LYPD6B: variants seen among roughly 807,000 people sequenced by gnomAD.
LYPD6B encodes LY6/PLAUR domain containing 6B, also known as ly6/PLAUR domain-containing protein 6B.
A neutral mutation model predicts 22.8 loss-of-function variants in LYPD6B; 17 were observed. The ratio of observed to expected loss-of-function variants is 0.75; its 90% CI spans 0.51 to 1.12. LYPD6B has a LOEUF of 1.12. Among genes scored for constraint, LYPD6B ranks in the 50% most tolerant of loss-of-function variants. The pLI, the probability that LYPD6B is intolerant of heterozygous loss-of-function variation, is 0.00. For synonymous variants in LYPD6B, 106 were observed against 91.6 expected (o/e 1.16, Z -0.90); for missense variants, 221 against 258.3 (o/e 0.86, Z 0.99).
intron 1 of LYPD6B, among the ~76,000 whole-genome samples, chr2:149,099,332 C>T (rs1255521536): frequency 6.6e-6 from 1 of 152,118 alleles, no homozygotes; most frequent in Non-Finnish European, 1.5e-5. Flanking sequence ...AGAGAGTCAC[C>T]TCCACTGGGG....
chr2:149,065,880 T>G (rs1380094657), intron 1 of LYPD6B, among the ~76,000 whole-genome samples: 1 of 152,206 alleles, frequency 6.6e-6, no homozygotes, highest in South Asian at 2.1e-4. Flanking sequence ...GGCCCTTTTT[T>G]TTTGTATTTT....
chr2:149,134,480 A>T (rs143161845), intron 2 of LYPD6B, among the ~76,000 whole-genome samples: 224 of 152,326 alleles, frequency 1.5e-3, no homozygotes, highest in African/African-American at 5.2e-3. Context: ...GGCCTGGAAA[A>T]CTATTCCTTG....
At position 149,117,864 on chromosome 2, in the gene LYPD6B, A is replaced by C. The variant is rs112744543; in HGVS notation, c.-66-13019A>C. ...TTTCATGGTTTCTCTGAATTCAGGAATTCAGAAGTGGCTTGGCTGGGCAGT... is the reference window on the plus strand; with the variant it reads ...TTTCATGGTTTCTCTGAATTCAGGACTTCAGAAGTGGCTTGGCTGGGCAGT... On this transcript the variant is annotated intron_variant, in intron 1 of 6. Transcript: ENST00000409642. Among the ~76,000 whole-genome samples the C allele has an allele frequency of 1.9e-3, 295 of 152,360 alleles. 1 individual carries two copies. Among genetic ancestry groups the C allele is most frequent in the African/African-American group, 6.8e-3 (283 of 41,590 alleles).
intron 3 of LYPD6B, among the ~76,000 whole-genome samples, chr2:149,200,267 T>TTGC (rs1201147745): frequency 6.6e-6 from 1 of 152,248 alleles, no homozygotes; most frequent in African/African-American, 2.4e-5. Context: ...GGCCTTGTGC[T>TTGC]TGCTGACTCA....
intron 1 of LYPD6B, chr2:149,118,194 G>A (rs918791966): frequency 3.9e-5 from 6 of 152,258 alleles, no homozygotes; most frequent in Admixed American, 6.5e-5. Flanking sequence ...CTGGGGCTGG[G>A]GCGGCTACAT....
At chr2:149,157,939 G>A (rs1254900388) in intron 2 of LYPD6B, among the ~76,000 whole-genome samples, 1 of 152,162 alleles carries the variant, frequency 6.6e-6, no homozygotes, top group Non-Finnish European at 1.5e-5. Context: ...TGGGTCGGGG[G>A]TCAGGAATGA....
At chr2:149,053,663 A>G (rs1403133633) in intron 1 of LYPD6B, among the ~76,000 whole-genome samples, 1 of 152,216 alleles carries the variant, frequency 6.6e-6, no homozygotes, top group African/African-American at 2.4e-5. Context: ...TTGTGCAACC[A>G]TCATCACTAC....
intron 1 of LYPD6B, among the ~76,000 whole-genome samples, chr2:149,066,002 G>T (rs764074164): frequency 7.9e-5 from 12 of 151,954 alleles, no homozygotes; most frequent in Non-Finnish European, 1.6e-4. Context: ...CTGAGCTACC[G>T]CACTCGGCCC....
intron 1 of LYPD6B, among the ~76,000 whole-genome samples, chr2:149,118,483 G>A (rs189326016): frequency 6.6e-6 from 1 of 152,292 alleles, no homozygotes; most frequent in East Asian, 1.9e-4. Context: ...CCTTGATGCA[G>A]TTCCTTCTGG....
chr2:149,205,465 C>T, intron 4 of LYPD6B, 61 bp downstream of exon 4: 1 of 1,515,488 alleles, frequency 6.6e-7, no homozygotes, highest in Non-Finnish European at 9.0e-7. Flanking sequence ...TAATATGAAG[C>T]CCCCTTTTCC....
At chr2:149,044,030 G>A (rs1274743367) in intron 1 of LYPD6B, among the ~76,000 whole-genome samples, 1 of 151,920 alleles carries the variant, frequency 6.6e-6, no homozygotes, top group African/African-American at 2.4e-5. Flanking sequence ...TGATTATTGT[G>A]GCTTTAGAAT....
intron 3 of LYPD6B, among the ~76,000 whole-genome samples, chr2:149,185,327 C>G (rs754017238): frequency 6.6e-6 from 1 of 152,166 alleles, no homozygotes; most frequent in African/African-American, 2.4e-5. Context: ...CACCACCCAC[C>G]GGTAGGAAGC....
At chr2:149,086,641 A>T (rs564385112) in intron 1 of LYPD6B, among the ~76,000 whole-genome samples, 1 of 152,096 alleles carries the variant, frequency 6.6e-6, no homozygotes, top group Admixed American at 6.6e-5. Flanking sequence ...CCTTTTTTCT[A>T]TGGGGAGGTG....
chr2:149,069,074 T>C (rs1684473982), intron 1 of LYPD6B, among the ~76,000 whole-genome samples: 1 of 151,980 alleles, frequency 6.6e-6, no homozygotes, highest in South Asian at 2.1e-4. Context: ...AAGTTCTTTA[T>C]TATGTAGACT....
intron 1 of LYPD6B, chr2:149,118,139 A>C (rs58761494): frequency 0.1 from 15,931 of 152,132 alleles, 2,388 homozygotes; most frequent in African/African-American, 0.31. Flanking sequence ...TTTCCACCTC[A>C]TTCTATTGGC....
At chr2:149,197,088 C>A (rs765523759) in intron 3 of LYPD6B, among the ~76,000 whole-genome samples, 2 of 152,194 alleles carry the variant, frequency 1.3e-5, no homozygotes, top group Non-Finnish European at 2.9e-5. Flanking sequence ...CTTCTGTCCA[C>A]CTATATCTTT....
At chr2:149,068,864 T>G (rs528482157) in intron 1 of LYPD6B, 28 of 331,646 alleles carry the variant, frequency 8.4e-5, no homozygotes, top group African/African-American at 5.6e-4. Flanking sequence ...GCCTGCAGCC[T>G]CCAAGGCTTC....
chr2:149,212,952 C>T (rs1693966095), intron 5 of LYPD6B, 40 bp from the exon 6 acceptor site: 1 of 1,597,162 alleles, frequency 6.3e-7, no homozygotes, highest in Non-Finnish European at 8.5e-7. Context: ...ATTGAAATTA[C>T]CTTGTTTCTT....
intron 5 of LYPD6B, among the ~76,000 whole-genome samples, chr2:149,210,862 A>G (rs3948501): frequency 0.51 from 77,814 of 152,022 alleles, 20,378 homozygotes; most frequent in African/African-American, 0.6. Context: ...CTCTTGTAGG[A>G]CACTCTACAT....
Sources: allele counts gnomAD v4.1 joint callset (sites outside exome capture counted in the v4.1 genomes callset), GRCh38; gene constraint gnomAD v4.1.1; transcripts MANE v1.5; gene names NCBI Gene and HGNC (gene_info 2026-07-23, HGNC 2026-07-21).